Variants in RALB observed in about 807,000 individuals in gnomAD.
RALB encodes the protein ras-related protein Ral-B.
Under a neutral mutation model 21.3 loss-of-function variants are expected in RALB, and 16 were observed. The observed-to-expected ratio is 0.75, with a 90% confidence interval of 0.51 to 1.14. The LOEUF (loss-of-function observed/expected upper bound fraction) is 1.14. Among genes scored for constraint, RALB ranks in the 50% most tolerant of loss-of-function variants. The pLI, the probability that RALB is intolerant of heterozygous loss-of-function variation, is 0.00. For synonymous variants in RALB, 93 were observed against 96.1 expected, an observed-to-expected ratio of 0.97 and a Z score of 0.19; for missense variants, 161 against 256.2, an observed-to-expected ratio of 0.63 and a Z score of 2.54.
chr2:120,267,265 T>C (rs985617517), intron 1 of RALB, among the ~76,000 whole-genome samples: 1 of 152,136 alleles, frequency 6.6e-6, no homozygotes, highest in Admixed American at 6.5e-5. Flanking sequence ...GGAATAGAAA[T>C]ATCTAAAACA....
chr2:120,285,995 G>A lies in RALB; in HGVS notation c.236G>A (p.Arg79Gln). Reference protein sequence around the residue: ...TAGQEDYAAIRDNYFRSGEGF... With the variant: ...TAGQEDYAAIQDNYFRSGEGF... The stretch of plus-strand genomic sequence containing the variant: ...GGGCAAGAGGACTACGCAGCCATTC[G>A]AGATAACTACTTTCGGAGTGGGGAA... Residue 79 changes from arginine (R) to glutamine (Q), a missense_variant, in exon 3 of 5, where the codon CGA becomes CAA. Transcript: ENST00000272519. 2 of 1,614,062 alleles carry A rather than the reference G, an allele frequency of 1.2e-6. No individual in the cohort carries two copies. The highest frequency in any genetic ancestry group is 8.5e-7 in the Non-Finnish European group (1 of 1,180,002).
upstream of RALB, among the ~76,000 whole-genome samples, chr2:120,248,285 T>C (rs528763045): frequency 5.9e-5 from 9 of 152,314 alleles, no homozygotes; most frequent in African/African-American, 1.9e-4. Context: ...ATACGGTCTA[T>C]GAATACACTC....
intron 1 of RALB, among the ~76,000 whole-genome samples, chr2:120,256,291 G>A (rs1259961394): frequency 6.6e-6 from 1 of 152,196 alleles, no homozygotes; most frequent in Non-Finnish European, 1.5e-5. Context: ...TTTCTCCCCA[G>A]AGCAAGTGAT....
intron 1 of RALB, among the ~76,000 whole-genome samples, chr2:120,261,615 C>T (rs1176254589): frequency 1.3e-5 from 2 of 152,154 alleles, no homozygotes; most frequent in Admixed American, 6.5e-5. Flanking sequence ...TCTTGAGTTT[C>T]TTTCCCTCGA....
At chr2:120,241,252 A>T (rs1688889858) in intron 1 of RALB, among the ~76,000 whole-genome samples, 1 of 152,238 alleles carries the variant, frequency 6.6e-6, no homozygotes, top group Admixed American at 6.5e-5. Flanking sequence ...CACAAGGCCC[A>T]AGGTCCCCTG....
chr2:120,277,976 T>G (rs3933618), intron 1 of RALB, among the ~76,000 whole-genome samples: 66,481 of 146,756 alleles, frequency 0.45, 15,905 homozygotes, highest in Middle Eastern at 0.64. Context: ...TGTGTGTGAA[T>G]AAGAGCATGT....
intron 1 of RALB, among the ~76,000 whole-genome samples, chr2:120,254,812 G>C (rs1195047833): frequency 6.6e-6 from 1 of 152,066 alleles, no homozygotes; most frequent in Non-Finnish European, 1.5e-5. Context: ...CGAGTAGCTT[G>C]GTACAGTCTT....
chr2:120,292,917 G>T (rs1210154976), intron 4 of RALB, among the ~76,000 whole-genome samples: 1 of 152,152 alleles, frequency 6.6e-6, no homozygotes, highest in Non-Finnish European at 1.5e-5. Flanking sequence ...ATTTTTTAAG[G>T]TTAATTTTTC....
chr2:120,256,936 G>A (rs1429617739), intron 1 of RALB, among the ~76,000 whole-genome samples: 1 of 152,226 alleles, frequency 6.6e-6, no homozygotes, highest in Non-Finnish European at 1.5e-5. Context: ...TATACTGTAG[G>A]AGATGGAAAG....
chr2:120,253,363 G>C (rs1481424541), intron 1 of RALB: 1 of 982,966 alleles, frequency 1.0e-6, no homozygotes, highest in Non-Finnish European at 1.2e-6. Flanking sequence ...TCAGGGCTGG[G>C]AAGTGTTGCA....
intron 4 of RALB, among the ~76,000 whole-genome samples, chr2:120,291,355 T>C (rs904943459): frequency 7.9e-5 from 12 of 152,236 alleles, no homozygotes; most frequent in Admixed American, 5.2e-4. Flanking sequence ...CTTATATTAT[T>C]GTGCTACTTA....
At chr2:120,244,271 A>G (rs1213474321) in intron 1 of RALB, among the ~76,000 whole-genome samples, 1 of 152,210 alleles carries the variant, frequency 6.6e-6, no homozygotes, top group African/African-American at 2.4e-5. Flanking sequence ...GCCAAACCAT[A>G]TCATTGGACA....
upstream of RALB, among the ~76,000 whole-genome samples, chr2:120,251,004 T>C (rs1051780751): frequency 7.2e-5 from 11 of 152,196 alleles, no homozygotes; most frequent in African/African-American, 2.7e-4. Context: ...CAGAAAGCCC[T>C]GTGCATCCTG....
intron 4 of RALB, among the ~76,000 whole-genome samples, chr2:120,290,380 G>T (rs937929238): frequency 6.6e-6 from 1 of 152,214 alleles, no homozygotes; most frequent in African/African-American, 2.4e-5. Context: ...GACGTCATTA[G>T]CTTCTGTGTG....
At chr2:120,259,063 G>A (rs889880594) in intron 1 of RALB, among the ~76,000 whole-genome samples, 4 of 152,006 alleles carry the variant, frequency 2.6e-5, no homozygotes, top group East Asian at 1.9e-4. Flanking sequence ...CGGTGGGCTC[G>A]TGGTCTTGCT....
chr2:120,255,329 A>G (rs969922895), intron 1 of RALB, among the ~76,000 whole-genome samples: 2 of 152,100 alleles, frequency 1.3e-5, no homozygotes, highest in African/African-American at 4.8e-5. Context: ...AGCCGAGCAC[A>G]GAGGAAAAGG....
intron 1 of RALB, among the ~76,000 whole-genome samples, chr2:120,268,833 T>C (rs1689571553): frequency 6.6e-6 from 1 of 152,190 alleles, no homozygotes; most frequent in Admixed American, 6.5e-5. Context: ...CAGAATGCTT[T>C]AGAACAGGAA....
At chr2:120,269,746 C>T (rs1358689941) in intron 1 of RALB, among the ~76,000 whole-genome samples, 1 of 152,132 alleles carries the variant, frequency 6.6e-6, no homozygotes, top group African/African-American at 2.4e-5. Flanking sequence ...CAAGAATTCC[C>T]CATTGATGGA....
chr2:120,284,458 G>A (rs1690075164), intron 2 of RALB, among the ~76,000 whole-genome samples: 1 of 151,970 alleles, frequency 6.6e-6, no homozygotes, highest in African/African-American at 2.4e-5. Flanking sequence ...GAGTGCAATG[G>A]CACGATCTTG....
Sources: gnomAD v4.1 joint callset for allele counts (sites outside exome capture counted in the v4.1 genomes callset) on GRCh38, gnomAD v4.1.1 for gene constraint, MANE v1.5 for transcripts, NCBI Gene and HGNC (gene_info 2026-07-23, HGNC 2026-07-21) for gene names.